The following ZNF704 variants were observed in gnomAD, a reference collection of about 807,000 sequenced individuals.
The protein encoded by ZNF704 is glucocorticoid induced gene 1.
Under a neutral mutation model 44.7 loss-of-function variants are expected in ZNF704, and 10 were observed. The observed-to-expected ratio is 0.22, with a 90% CI of 0.14 to 0.38. The LOEUF (loss-of-function observed/expected upper bound fraction) is 0.38, where lower values mean the gene tolerates loss of function less well. Ranked by LOEUF, ZNF704 falls within the 10% of genes least tolerant of loss-of-function variation. ZNF704 has a pLI of 1.00. For missense variants in ZNF704, 390 were observed against 545.5 expected (o/e 0.71, Z 2.84); for synonymous variants, 211 against 207.6 (o/e 1.02, Z -0.14).
chr8:80,654,483 C>T (rs1407880942), intron 7 of ZNF704, among the ~76,000 whole-genome samples: 1 of 152,142 alleles, frequency 6.6e-6, no homozygotes, highest in African/African-American at 2.4e-5. Context: ...TGAACTCCAA[C>T]AAATTTACAA....
intron 1 of ZNF704, among the ~76,000 whole-genome samples, chr8:80,862,950 A>T (rs1586083544): frequency 6.6e-6 from 1 of 151,696 alleles, no homozygotes; most frequent in Non-Finnish European, 1.5e-5. Flanking sequence ...CAACCCTTCA[A>T]ATGCCCCCCC....
intron 1 of ZNF704, among the ~76,000 whole-genome samples, chr8:80,847,438 A>G (rs1808785540): frequency 6.6e-6 from 1 of 152,218 alleles, no homozygotes. Flanking sequence ...TTCTATCAAA[A>G]TTCCAGCAAT....
At chr8:80,839,872 A>G (rs1808647633) in intron 1 of ZNF704, among the ~76,000 whole-genome samples, 1 of 152,180 alleles carries the variant, frequency 6.6e-6, no homozygotes, top group Non-Finnish European at 1.5e-5. Context: ...ATGAATACAT[A>G]AATACAACAG....
intron 2 of ZNF704, among the ~76,000 whole-genome samples, chr8:80,785,225 T>A (rs138597732): frequency 6.6e-6 from 1 of 152,176 alleles, no homozygotes; most frequent in East Asian, 1.9e-4. Context: ...TACACCTCAA[T>A]TGGGATTGGT....
chr8:80,648,367 G>A (rs1817864544), intron 7 of ZNF704, among the ~76,000 whole-genome samples: 1 of 152,180 alleles, frequency 6.6e-6, no homozygotes, highest in East Asian at 1.9e-4. Context: ...GCTGAGTTCA[G>A]TAGGAGGCTC....
intron 4 of ZNF704, among the ~76,000 whole-genome samples, chr8:80,679,749 T>G (rs752846821): frequency 6.6e-6 from 1 of 152,204 alleles, no homozygotes; most frequent in Non-Finnish European, 1.5e-5. Flanking sequence ...AGCTTCCACG[T>G]GTACTTTATT....
At chr8:80,746,058 T>A (rs1334383746) in intron 2 of ZNF704, among the ~76,000 whole-genome samples, 2 of 152,248 alleles carry the variant, frequency 1.3e-5, no homozygotes, top group African/African-American at 4.8e-5. Context: ...TTAATCACTT[T>A]GGGAAACTGA....
chr8:80,870,374 A>G (rs1809231563), intron 1 of ZNF704, among the ~76,000 whole-genome samples: 1 of 152,180 alleles, frequency 6.6e-6, no homozygotes, highest in Non-Finnish European at 1.5e-5. Flanking sequence ...AACTTGTCAA[A>G]AGAGTTTTTC....
At chr8:80,649,325 G>A (rs1817878228) in intron 7 of ZNF704, among the ~76,000 whole-genome samples, 1 of 152,206 alleles carries the variant, frequency 6.6e-6, no homozygotes, top group African/African-American at 2.4e-5. Context: ...GTGCACGACA[G>A]TGGGTGCAGC....
intron 7 of ZNF704, among the ~76,000 whole-genome samples, chr8:80,644,453 T>A (rs1025275408): frequency 2.0e-5 from 3 of 151,256 alleles, no homozygotes; most frequent in African/African-American, 7.3e-5. Context: ...GAATGTTTCT[T>A]TTTTTTTTAG....
At chr8:80,758,829 TAC>T (rs1409196839) in intron 2 of ZNF704, among the ~76,000 whole-genome samples, 5 of 152,226 alleles carry the variant, frequency 3.3e-5, no homozygotes, top group African/African-American at 1.2e-4. Context: ...CTTTATGAAT[TAC>T]ACAGAAAATA....
chr8:80,648,817 C>G lies in ZNF704; in HGVS notation c.1033-5688G>C, dbSNP rs185186321. 2.2e-3 allele frequency among the ~76,000 whole-genome samples: 330 copies of G among 152,272 alleles called. 3 individuals carry two copies. Among genetic ancestry groups the G allele is most frequent in the Non-Finnish European group, 1.9e-3 (130 of 68,020 alleles). Reference sequence around the variant, plus strand: ...GAGAAGTTAAGTGCACTGTCCAGTCCACACAGTAAATGGACTCAGGGTTTG... The same window carrying G: ...GAGAAGTTAAGTGCACTGTCCAGTCGACACAGTAAATGGACTCAGGGTTTG... On this transcript the variant is annotated intron_variant, in intron 7 of 8. Coordinates refer to ENST00000327835, the MANE Select transcript of ZNF704 (RefSeq NM_001033723.3).
At chr8:80,883,262 AAAAG>A in the ZNF704 span, among the ~76,000 whole-genome samples, 12 of 150,840 alleles carry the variant, frequency 8.0e-5, no homozygotes, top group Non-Finnish European at 1.6e-4. Context: ...AAAAAAAAAA[AAAAG>A]AAAGAAATAT....
intron 2 of ZNF704, among the ~76,000 whole-genome samples, chr8:80,801,342 C>T (rs1232866567): frequency 6.6e-6 from 1 of 152,148 alleles, no homozygotes. Flanking sequence ...CAAAACTCTC[C>T]ACTACAAAAC....
In ZNF704 at chr8:80,629,946, CAAAT is replaced by C. The variant is rs929694797; in HGVS notation, c.*11416_*11419del. The C allele has an allele frequency of 7.9e-5, 12 of 152,174 alleles. No homozygotes were observed. Among genetic ancestry groups the C allele is most frequent in the Non-Finnish European group, 1.6e-4 (11 of 68,024 alleles). The allele number at this position is 152,174 out of a possible 1,614,324, so 9.4% of individuals were successfully genotyped here. A position where few individuals can be genotyped will look rare whatever the true frequency, so the allele number is the denominator to read the frequency against. On this transcript the variant is annotated 3_prime_UTR_variant, in exon 9 of 9. Transcript: ENST00000327835. Reference sequence around the variant, plus strand: ...TTTCCCATTTATGCTTACGAAGTAACAAATAAACCATTTCCCATTTATTCATCTT... The same window carrying C: ...TTTCCCATTTATGCTTACGAAGTAACAAACCATTTCCCATTTATTCATCTT...
At chr8:80,757,461 A>G (rs1191551430) in intron 2 of ZNF704, among the ~76,000 whole-genome samples, 2 of 152,180 alleles carry the variant, frequency 1.3e-5, no homozygotes. Context: ...AAAGTTAAAA[A>G]AAAAAACCTT....
At chr8:80,742,581 G>A (rs185807400) in intron 2 of ZNF704, among the ~76,000 whole-genome samples, 49 of 152,224 alleles carry the variant, frequency 3.2e-4, no homozygotes, top group Admixed American at 4.6e-4. Context: ...TTGAATCCCT[G>A]TATCTTTAAC....
At chr8:80,757,484 A>G (rs1379182956) in intron 2 of ZNF704, among the ~76,000 whole-genome samples, 1 of 152,156 alleles carries the variant, frequency 6.6e-6, no homozygotes, top group Non-Finnish European at 1.5e-5. Flanking sequence ...ATGTTTATAA[A>G]CTAAAAAAGT....
chr8:80,743,730 A>C (rs902936326), intron 2 of ZNF704, among the ~76,000 whole-genome samples: 1 of 152,200 alleles, frequency 6.6e-6, no homozygotes, highest in African/African-American at 2.4e-5. Context: ...CTTACTACCC[A>C]ATGTGACCTC....
Sources: gnomAD v4.1 joint callset for allele counts (sites outside exome capture counted in the v4.1 genomes callset) on GRCh38, gnomAD v4.1.1 for gene constraint, MANE v1.5 for transcripts, NCBI Gene and HGNC (gene_info 2026-07-23, HGNC 2026-07-21) for gene names.